The following MED21 variants were observed in gnomAD, a reference collection of about 807,000 sequenced individuals.
MED21 encodes the protein mediator of RNA polymerase II transcription subunit 21.
A neutral mutation model predicts 18.2 loss-of-function variants in MED21; 9 were observed. The ratio of observed to expected loss-of-function variants is 0.49; its 90% CI spans 0.30 to 0.86. The LOEUF is 0.86. Ranked by LOEUF, MED21 falls within the 40% of genes least tolerant of loss-of-function variation. The pLI, the probability that MED21 is intolerant of heterozygous loss-of-function variation, is 0.07. For synonymous variants in MED21, 73 were observed against 60.5 expected, an observed-to-expected ratio of 1.21 and a Z score of -0.96; for missense variants, 150 against 170.9, an observed-to-expected ratio of 0.88 and a Z score of 0.68.
chr12:27,024,764 A>G (rs1424103887), intron 1 of MED21, among the ~76,000 whole-genome samples: 1 of 151,848 alleles, frequency 6.6e-6, no homozygotes, highest in Non-Finnish European at 1.5e-5. Context: ...GATACTCCTA[A>G]AGGAGGTTAA....
chr12:27,027,460 T>G lies in MED21; in HGVS notation c.258+13T>G, dbSNP rs1258986416. On this transcript the variant is annotated intron_variant, in intron 3 of 3. Coordinates refer to ENST00000282892, the MANE Select transcript of MED21 (RefSeq NM_004264.5). ...AGCTGCTTTACAGGTAAGCCTCTAT[T>G]CCTTTGAGAATTTTACCAGTAATAG... 3 of 1,583,466 alleles carry G rather than the reference T, an allele frequency of 1.9e-6. No homozygotes were observed. In the South Asian group the frequency reaches 3.4e-5, roughly 18 times the overall value.
downstream of MED21, among the ~76,000 whole-genome samples, chr12:27,034,649 C>T (rs1379809709): frequency 6.6e-6 from 1 of 152,080 alleles, no homozygotes; most frequent in Non-Finnish European, 1.5e-5. Flanking sequence ...CAGTGTTGCC[C>T]AGGCTTATCT....
intron 1 of MED21, among the ~76,000 whole-genome samples, chr12:27,024,474 C>T (rs141597435): frequency 2.2e-4 from 33 of 152,322 alleles, no homozygotes; most frequent in African/African-American, 7.2e-4. Context: ...AAATTCTACC[C>T]TGCAGGGACT....
Position 27,030,483 on chromosome 12 carries a change from T to C in MED21, c.*2022T>C, listed in dbSNP as rs1669309943. 1 of 316,872 alleles carries C rather than the reference T, an allele frequency of 3.2e-6. No homozygotes were observed. Among genetic ancestry groups the C allele is most frequent in the Admixed American group, 4.9e-5 (1 of 20,464 alleles). The allele number at this position is 316,872 out of a possible 1,614,324, so 19.6% of individuals were successfully genotyped here. A position where few individuals can be genotyped will look rare whatever the true frequency, so the allele number is the denominator to read the frequency against. On this transcript the variant is annotated 3_prime_UTR_variant, in exon 4 of 4. Transcript: ENST00000282892. ...ATTATTTTCAAAAGCATTAATAAAT[T>C]AAGGTGGAATACTAAAAAAGATTCA...
chr12:27,023,303 T>TTTTTTC (rs1555110765), intron 1 of MED21, among the ~76,000 whole-genome samples: 1 of 143,018 alleles, frequency 7.0e-6, no homozygotes, highest in South Asian at 2.2e-4. Flanking sequence ...TTCTTTTCTT[T>TTTTTTC]TTTTTTTTTT....
At chr12:27,033,246 G>C (rs963315095), downstream of MED21, among the ~76,000 whole-genome samples, 2 of 152,076 alleles carry the variant, frequency 1.3e-5, no homozygotes, top group Non-Finnish European at 2.9e-5. Context: ...CTGAAGCCCG[G>C]GAAGTCAAAG....
chr12:27,029,478 G>A lies in MED21; in HGVS notation c.*1017G>A, dbSNP rs188931848. ...TTTTAACTAGCTATTTCCTGGGGCT[G>A]TATTTTTCAGAATATGCTGAGCTAC... On this transcript the variant is annotated 3_prime_UTR_variant, in exon 4 of 4. Transcript: ENST00000282892. 1.1e-5 allele frequency: 11 copies of A among 985,422 alleles called. No individual in the cohort carries two copies. In the Admixed American group the frequency reaches 3.7e-4, roughly 33 times the overall value. 61.0% of individuals were successfully genotyped at this position (985,422 alleles called of 1,614,324 possible).
intron 2 of MED21, 85 bp from the exon 3 acceptor site, chr12:27,027,262 G>T: frequency 3.4e-6 from 3 of 878,798 alleles, no homozygotes; most frequent in East Asian, 5.1e-5. Context: ...AAAGCTATAT[G>T]AAGTTTCTGG....
In MED21 at chr12:27,028,865, T is replaced by G. The variant is rs1218284550; in HGVS notation, c.*404T>G. ...AACAGACATAAGGGACATTTTAGTT[T>G]GGGCTAGTGTCCTGCCTCTTAGAGG... On this transcript the variant is annotated 3_prime_UTR_variant, in exon 4 of 4. Transcript: ENST00000282892. 1.5e-5 allele frequency: 15 copies of G among 988,006 alleles called. No homozygotes were observed. The East Asian group carries it at 1.7e-3, about 110-fold the overall frequency. The allele number at this position is 988,006 out of a possible 1,614,324, so 61.2% of individuals were successfully genotyped here. A position where few individuals can be genotyped will look rare whatever the true frequency, so the allele number is the denominator to read the frequency against.
At chr12:27,026,944 T>C (rs893847287) in intron 2 of MED21, among the ~76,000 whole-genome samples, 5 of 152,232 alleles carry the variant, frequency 3.3e-5, no homozygotes, top group Non-Finnish European at 7.3e-5. Flanking sequence ...TCTTTTTTTT[T>C]TTGAGACGGA....
chr12:27,023,260 C>T (rs1332810409), intron 1 of MED21, among the ~76,000 whole-genome samples: 3 of 149,432 alleles, frequency 2.0e-5, no homozygotes, highest in South Asian at 2.1e-4. Context: ...ATCTTCTAAT[C>T]CTCGTATGTC....
Position 27,029,913 on chromosome 12 carries a change from C to A in MED21, c.*1452C>A. The A allele has an allele frequency of 1.8e-6, 1 of 550,664 alleles. No homozygotes were observed. Among genetic ancestry groups the A allele is most frequent in the Non-Finnish European group, 2.3e-6 (1 of 432,818 alleles). The allele number at this position is 550,664 out of a possible 1,614,324, so 34.1% of individuals were successfully genotyped here. ...GAGGGAAAACTAACAGGATTTATCA[C>A]TAGTAAACCTGCTCTAAAAGAATTC... On this transcript the variant is annotated 3_prime_UTR_variant, in exon 4 of 4. Coordinates refer to ENST00000282892, the MANE Select transcript of MED21 (RefSeq NM_004264.5).
In MED21 at chr12:27,022,813, G is replaced by C; in HGVS notation, c.42+192G>C. The C allele has an allele frequency of 2.0e-6, 3 of 1,507,122 alleles. No homozygotes were observed. The South Asian group carries it at 3.6e-5, about 18-fold the overall frequency. 93.4% of individuals were successfully genotyped at this position (1,507,122 alleles called of 1,614,324 possible). A position where few individuals can be genotyped will look rare whatever the true frequency, so the allele number is the denominator to read the frequency against. ...GGCCGGCTGCCGGGCGGTGCTTGAAGGTGCGGGAGGGAGCAGACTCTTTCG... is the reference window on the plus strand; with the variant it reads ...GGCCGGCTGCCGGGCGGTGCTTGAACGTGCGGGAGGGAGCAGACTCTTTCG... On this transcript the variant is annotated intron_variant, in intron 1 of 3. Coordinates refer to ENST00000282892, the MANE Select transcript of MED21 (RefSeq NM_004264.5).
chr12:27,035,904 T>C (rs975319887), intron 2 of MED21, among the ~76,000 whole-genome samples: 10 of 152,042 alleles, frequency 6.6e-5, no homozygotes, highest in Admixed American at 2.0e-4. Context: ...GACATACGTG[T>C]GCATGTGTCT....
chr12:27,027,541 C>A, intron 3 of MED21, 94 bp downstream of exon 3: 1 of 838,448 alleles, frequency 1.2e-6, no homozygotes, highest in Non-Finnish European at 1.9e-6. Flanking sequence ...TCCATTTGTG[C>A]TGCTATAACA....
intron 3 of MED21, 131 bp downstream of exon 3, chr12:27,027,578 G>T: frequency 1.6e-6 from 1 of 625,916 alleles, no homozygotes; most frequent in Non-Finnish European, 2.7e-6. Flanking sequence ...AATTTATAAA[G>T]AACAGAAATT....
chr12:27,026,609 GA>G, intron 2 of MED21, 75 bp downstream of exon 2: 2 of 958,716 alleles, frequency 2.1e-6, no homozygotes, highest in Non-Finnish European at 3.3e-6. Context: ...GATTTCTTGA[GA>G]AATTCAGCTT....
chr12:27,036,684 A>G (rs1258177110), intron 2 of MED21, among the ~76,000 whole-genome samples: 3 of 152,324 alleles, frequency 2.0e-5, no homozygotes, highest in Non-Finnish European at 2.9e-5. Flanking sequence ...AGCACCGTTT[A>G]TTAAATAGGG....
downstream of MED21, among the ~76,000 whole-genome samples, chr12:27,032,681 T>G (rs1365153992): frequency 2.6e-5 from 4 of 152,222 alleles, no homozygotes; most frequent in African/African-American, 7.2e-5. Flanking sequence ...CCACTAGAAC[T>G]GTGAGTAACA....
Sources: allele counts gnomAD v4.1 joint callset (sites outside exome capture counted in the v4.1 genomes callset), GRCh38; gene constraint gnomAD v4.1.1; transcripts MANE v1.5; gene names NCBI Gene and HGNC (gene_info 2026-07-23, HGNC 2026-07-21).